HBS1L: variants seen among roughly 807,000 people sequenced by gnomAD.
HBS1L encodes HBS1 like translational GTPase, also known as HBS1-like protein.
A neutral mutation model predicts 88.9 loss-of-function variants in HBS1L; 55 were observed. The ratio of observed to expected loss-of-function variants is 0.62; its 90% CI spans 0.50 to 0.77. The LOEUF (loss-of-function observed/expected upper bound fraction) is 0.77, where lower values mean the gene tolerates loss of function less well. Among genes scored for constraint, HBS1L ranks in the 30% least tolerant of loss-of-function variants. The probability of loss-of-function intolerance (pLI) is 0.00; values close to 1 mark genes in which losing one functional copy is unlikely to be tolerated. For synonymous variants in HBS1L, 267 were observed against 288.5 expected (o/e 0.93, Z 0.76); for missense variants, 741 against 829.3 (o/e 0.89, Z 1.31).
rs763910841 is a variant in HBS1L, at chr6:135,041,977, C to G, written c.235+24G>C. On this transcript the variant is annotated intron_variant, in intron 3 of 17. Coordinates refer to ENST00000367837, the MANE Select transcript of HBS1L (RefSeq NM_006620.4). ...TTGGTCATTAATCACTTTCAGATAA[C>G]AGATACACTACTTTTTGCTATACCT... The G allele has an allele frequency of 1.9e-6, 3 of 1,607,528 alleles. No individual in the cohort carries two copies. In the African/African-American group the frequency reaches 4.0e-5, roughly 22 times the overall value.
chr6:135,053,735 G>A lies in HBS1L; in HGVS notation c.43+914C>T, dbSNP rs369195284. ...CAACATATTAAGCACTACATGTTCT[G>A]CACTTCGTAAAGCATAGTTCTTTAT... On this transcript the variant is annotated intron_variant, in intron 1 of 17. Transcript: ENST00000367837. Among the ~76,000 whole-genome samples the A allele has an allele frequency of 1.3e-5, 2 of 152,304 alleles. 1 individual carries two copies. The highest frequency in any genetic ancestry group is 4.1e-4 in the South Asian group (2 of 4,828).
chr6:135,051,745 TTTA>T (rs1354246176), intron 1 of HBS1L, among the ~76,000 whole-genome samples: 22 of 152,342 alleles, frequency 1.4e-4, no homozygotes, highest in Non-Finnish European at 2.9e-5. Flanking sequence ...TAATATTTGT[TTTA>T]TTATAAATTA....
At position 134,986,183 on chromosome 6, in the gene HBS1L, C is replaced by G; in HGVS notation, c.1306G>C (p.Glu436Gln). The change falls in exon 11 of 18, where the codon GAG becomes CAG. Residue 436 changes from glutamate to glutamine, a missense_variant and splice_region_variant. Physicochemically the swap from Glu to Gln is conservative, Grantham distance 29 (BLOSUM62 2). Coordinates refer to ENST00000367837, the MANE Select transcript of HBS1L (RefSeq NM_006620.4). ...GTAGGAATAAAACCTACATCACTCT[C>G]CTATTAAAAAGATTGACTTATGAAA... ...GHFLKQAGFKESDVGFIPTSG... is the reference protein window; with the variant it reads ...GHFLKQAGFKQSDVGFIPTSG... The G allele has an allele frequency of 7.0e-7, 1 of 1,428,854 alleles. No homozygotes were observed. Among genetic ancestry groups the G allele is most frequent in the East Asian group, 2.3e-5 (1 of 43,868 alleles). The allele number at this position is 1,428,854 out of a possible 1,614,324, so 88.5% of individuals were successfully genotyped here. A position where few individuals can be genotyped will look rare whatever the true frequency, so the allele number is the denominator to read the frequency against.
chr6:135,000,714 T>C (rs1197030891), intron 5 of HBS1L, among the ~76,000 whole-genome samples: 1 of 151,276 alleles, frequency 6.6e-6, no homozygotes, highest in African/African-American at 2.4e-5. Flanking sequence ...GGCAGGATCA[T>C]AGCTCCCTCA....
intron 13 of HBS1L, 169 bp downstream of exon 13, chr6:134,982,289 A>G (rs1472506436): frequency 1.7e-6 from 1 of 573,456 alleles, no homozygotes; most frequent in African/African-American, 1.9e-5. Context: ...ACAGAAAAAA[A>G]TCGTTTAATG....
chr6:134,963,078 GATCACAGTCTT>G lies in HBS1L; in HGVS notation c.*2190_*2200del, dbSNP rs1774221968. On this transcript the variant is annotated 3_prime_UTR_variant, in exon 18 of 18. Transcript: ENST00000367837. ...AACTGTAAACTAAAATTCTTAATTC[GATCACAGTCTT>G]ATATAATATACAGAGTGGATGGTTT... The G allele has an allele frequency of 6.6e-6, 1 of 152,012 alleles. No homozygotes were observed. The highest frequency in any genetic ancestry group is 1.5e-5 in the Non-Finnish European group (1 of 67,994). 9.4% of individuals were successfully genotyped at this position (152,012 alleles called of 1,614,324 possible).
intron 4 of HBS1L, among the ~76,000 whole-genome samples, chr6:135,025,978 C>G (rs759335312): frequency 6.6e-6 from 1 of 152,104 alleles, no homozygotes; most frequent in Non-Finnish European, 1.5e-5. Flanking sequence ...GTGGCAGAAT[C>G]GAGGTAGCTA....
intron 8 of HBS1L, among the ~76,000 whole-genome samples, chr6:134,992,863 G>T (rs1196241199): frequency 6.6e-6 from 1 of 152,166 alleles, no homozygotes; most frequent in Non-Finnish European, 1.5e-5. Flanking sequence ...ATACAGTCGT[G>T]TCCTAGGCCT....
At chr6:135,020,721 C>G (rs1776048705) in intron 4 of HBS1L, among the ~76,000 whole-genome samples, 1 of 151,914 alleles carries the variant, frequency 6.6e-6, no homozygotes. Context: ...ATGCCCATCC[C>G]TTTTCATCCA....
At chr6:135,034,348 T>TA (rs1212921075) in intron 4 of HBS1L, among the ~76,000 whole-genome samples, 3 of 151,974 alleles carry the variant, frequency 2.0e-5, no homozygotes, top group Non-Finnish European at 4.4e-5. Flanking sequence ...TCATTTTCAT[T>TA]AAAAAAAATA....
chr6:135,050,637 A>G lies in HBS1L; in HGVS notation c.54T>C (p.Asp18=), dbSNP rs1412407171. The G allele has an allele frequency of 6.3e-7, 1 of 1,583,786 alleles. No individual in the cohort carries two copies. The highest frequency in any genetic ancestry group is 1.4e-5 in the African/African-American group (1 of 74,062). ...RGYNYDEDFE[D]DDLYGQSVED... is the part of the protein sequence containing the mutation. ...CTACAGACTGGCCGTAGAGATCATC[A>G]TCTTCAAAATCTAAAATAAAGACAA... Residue 18 remains aspartate, a synonymous_variant, in exon 2 of 18, where the codon GAT becomes GAC. Coordinates refer to ENST00000367837, the MANE Select transcript of HBS1L (RefSeq NM_006620.4).
intron 4 of HBS1L, among the ~76,000 whole-genome samples, chr6:135,024,576 G>T (rs1181040178): frequency 2.0e-5 from 3 of 148,706 alleles, no homozygotes; most frequent in African/African-American, 2.5e-5. Context: ...GTAGGTTTAA[G>T]GTGGCAAGGG....
intron 4 of HBS1L, among the ~76,000 whole-genome samples, chr6:135,032,672 T>A (rs886379838): frequency 6.6e-6 from 1 of 152,144 alleles, no homozygotes; most frequent in African/African-American, 2.4e-5. Flanking sequence ...AATAATCATA[T>A]GAGAACTCAT....
intron 16 of HBS1L, 139 bp downstream of exon 16, chr6:134,969,099 C>T (rs578181456): frequency 3.2e-6 from 2 of 624,892 alleles, no homozygotes; most frequent in South Asian, 4.0e-5. Context: ...TTGTTTTAAT[C>T]TAGCCCTTGA....
In HBS1L at chr6:134,961,121, A is replaced by T. The variant is rs1774179937; in HGVS notation, c.*4158T>A. ...TTTTTTTTTTTTTTGCATTGATATG[A>T]ATAGTTTCACTAATTCCATTCATGG... On this transcript the variant is annotated 3_prime_UTR_variant, in exon 18 of 18. Coordinates refer to ENST00000367837, the MANE Select transcript of HBS1L (RefSeq NM_006620.4). 1 of 122,402 alleles carries T rather than the reference A, an allele frequency of 8.2e-6. No individual in the cohort carries two copies. The highest frequency in any genetic ancestry group is 9.6e-5 in the Admixed American group (1 of 10,448). The allele number at this position is 122,402 out of a possible 1,614,324, so 7.6% of individuals were successfully genotyped here.
intron 7 of HBS1L, 141 bp downstream of exon 7, chr6:134,996,636 T>G: frequency 1.8e-6 from 1 of 555,704 alleles, no homozygotes. Flanking sequence ...AAAGTCAAAA[T>G]AGTTCCCTGA....
intron 4 of HBS1L, among the ~76,000 whole-genome samples, chr6:135,017,034 TAAAGA>T (rs1309319707): frequency 6.6e-6 from 1 of 152,166 alleles, no homozygotes; most frequent in East Asian, 1.9e-4. Flanking sequence ...ATTTTACAGA[TAAAGA>T]AGTCAGGCTC....
chr6:135,027,809 C>T (rs1225619879), intron 4 of HBS1L, among the ~76,000 whole-genome samples: 1 of 151,354 alleles, frequency 6.6e-6, no homozygotes, highest in Non-Finnish European at 1.5e-5. Flanking sequence ...ACTCTGTCGC[C>T]CGGGCTGGAG....
chr6:134,960,738 G>A lies in HBS1L; in HGVS notation c.*4541C>T, dbSNP rs1484499045. 2 of 152,096 alleles carry A rather than the reference G, an allele frequency of 1.3e-5. No homozygotes were observed. Among genetic ancestry groups the A allele is most frequent in the African/African-American group, 2.4e-5 (1 of 41,506 alleles). The allele number at this position is 152,096 out of a possible 1,614,324, so 9.4% of individuals were successfully genotyped here. On this transcript the variant is annotated 3_prime_UTR_variant, in exon 18 of 18. Transcript: ENST00000367837. ...TTTACTAGTTTTTAGCAATCCCTCT[G>A]AGCTTTAGTCTTCTCATCTATAGAC... is the stretch of plus-strand genomic sequence containing the variant.
Sources: gnomAD v4.1 joint callset for allele counts (sites outside exome capture counted in the v4.1 genomes callset) on GRCh38, gnomAD v4.1.1 for gene constraint, MANE v1.5 for transcripts, NCBI Gene and HGNC (gene_info 2026-07-23, HGNC 2026-07-21) for gene names.